The following SV2C variants were observed in gnomAD, a reference collection of about 807,000 sequenced individuals.
The protein encoded by SV2C is solute carrier family 22 member B3.
A neutral mutation model predicts 79.7 loss-of-function variants in SV2C; 49 were observed. The ratio of observed to expected loss-of-function variants is 0.61; its 90% confidence interval spans 0.49 to 0.78. The LOEUF (loss-of-function observed/expected upper bound fraction) is 0.78, where lower values mean the gene tolerates loss of function less well. Among genes scored for constraint, SV2C ranks in the 30% least tolerant of loss-of-function variants. SV2C has a pLI of 0.00. For synonymous variants in SV2C, 334 were observed against 333.2 expected (o/e 1.00, Z -0.03); for missense variants, 833 against 912.9 (o/e 0.91, Z 1.13).
chr5:76,041,045 G>A, the SV2C span, among the ~76,000 whole-genome samples: 2 of 152,080 alleles, frequency 1.3e-5, no homozygotes, highest in Non-Finnish European at 2.9e-5. Flanking sequence ...TGCCTGGGAG[G>A]GGCAGAAGGG....
At chr5:75,960,559 A>G in the SV2C span, among the ~76,000 whole-genome samples, 1 of 152,038 alleles carries the variant, frequency 6.6e-6, no homozygotes, top group East Asian at 1.9e-4. Flanking sequence ...CCAAAAAGCA[A>G]TAGGCTATCC....
the SV2C span, among the ~76,000 whole-genome samples, chr5:75,985,655 TAG>T: frequency 6.6e-6 from 1 of 151,924 alleles, no homozygotes; most frequent in South Asian, 2.1e-4. Flanking sequence ...TGAGATTCAG[TAG>T]TCTTTTGTTA....
intron 3 of SV2C, among the ~76,000 whole-genome samples, chr5:76,203,607 A>G (rs1744519181): frequency 6.6e-6 from 1 of 152,076 alleles, no homozygotes; most frequent in African/African-American, 2.4e-5. Context: ...ATAGACCTCC[A>G]CAGTTTTAGG....
intron 9 of SV2C, among the ~76,000 whole-genome samples, chr5:76,298,225 A>G (rs1747843112): frequency 6.6e-6 from 1 of 152,152 alleles, no homozygotes; most frequent in Non-Finnish European, 1.5e-5. Flanking sequence ...AGCGTCACCT[A>G]TGAGTTTCTT....
chr5:75,983,006 T>C, the SV2C span, among the ~76,000 whole-genome samples: 1 of 151,998 alleles, frequency 6.6e-6, no homozygotes, highest in Non-Finnish European at 1.5e-5. Context: ...TTAGGAAAAA[T>C]AACCAATGGG....
At chr5:75,938,510 A>G in the SV2C span, among the ~76,000 whole-genome samples, 1 of 152,226 alleles carries the variant, frequency 6.6e-6, no homozygotes, top group African/African-American at 2.4e-5. Context: ...ATATGAATGA[A>G]TATCTTAAAA....
the SV2C span, among the ~76,000 whole-genome samples, chr5:75,880,274 T>A: frequency 2.0e-5 from 3 of 151,884 alleles, no homozygotes; most frequent in Non-Finnish European, 4.4e-5. Context: ...TTGGATTCTT[T>A]CCCTGAAAAC....
At chr5:76,340,896 C>A (rs1243491188) in intron 12 of SV2C, among the ~76,000 whole-genome samples, 1 of 150,830 alleles carries the variant, frequency 6.6e-6, no homozygotes, top group Non-Finnish European at 1.5e-5. Context: ...AGTCATGAGT[C>A]ACTGTGCACC....
At chr5:76,092,077 A>G (rs923321264) in intron 1 of SV2C, among the ~76,000 whole-genome samples, 9 of 152,362 alleles carry the variant, frequency 5.9e-5, no homozygotes, top group East Asian at 5.8e-4. Context: ...ATATAAATAT[A>G]CATATTTAGT....
At chr5:76,302,611 C>T (rs1420281963) in intron 12 of SV2C, among the ~76,000 whole-genome samples, 2 of 101,392 alleles carry the variant, frequency 2.0e-5, no homozygotes, top group East Asian at 6.7e-4. Context: ...GTCTGGACAA[C>T]AAGAGTGAGA....
At chr5:76,240,357 T>C (rs1308325739) in intron 4 of SV2C, among the ~76,000 whole-genome samples, 1 of 152,242 alleles carries the variant, frequency 6.6e-6, no homozygotes, top group African/African-American at 2.4e-5. Flanking sequence ...TAAACAGTAG[T>C]GTGTACATTA....
At chr5:75,997,147 G>T in the SV2C span, among the ~76,000 whole-genome samples, 1 of 151,666 alleles carries the variant, frequency 6.6e-6, no homozygotes, top group African/African-American at 2.4e-5. Context: ...TTATTATTTT[G>T]AGATACGTCC....
At chr5:76,172,401 G>A (rs1316984276) in intron 2 of SV2C, among the ~76,000 whole-genome samples, 4 of 47,340 alleles carry the variant, frequency 8.4e-5, no homozygotes, top group East Asian at 2.2e-3. Context: ...CCGGCCAGCC[G>A]CCCCGTCCGG....
chr5:76,059,494 T>A, the SV2C span, among the ~76,000 whole-genome samples: 1 of 151,754 alleles, frequency 6.6e-6, no homozygotes, highest in Non-Finnish European at 1.5e-5. Context: ...ATCCTTTTTT[T>A]TTTTCTTTTG....
chr5:75,861,975 T>C, the SV2C span, among the ~76,000 whole-genome samples: 3 of 152,334 alleles, frequency 2.0e-5, no homozygotes, highest in Non-Finnish European at 4.4e-5. Flanking sequence ...AAAATGAAAG[T>C]TGAAGTTAAT....
At chr5:76,103,291 G>T (rs923914673) in intron 1 of SV2C, among the ~76,000 whole-genome samples, 9 of 152,116 alleles carry the variant, frequency 5.9e-5, no homozygotes, top group Non-Finnish European at 1.3e-4. Flanking sequence ...CTGCATCTGA[G>T]CTTATTCCTA....
chr5:76,263,288 T>G lies in SV2C; in HGVS notation c.914-21874T>G, dbSNP rs537699483. 3.3e-5 allele frequency among the ~76,000 whole-genome samples: 5 copies of G among 152,064 alleles called. No individual in the cohort carries two copies. The East Asian group carries it at 7.8e-4, about 24-fold the overall frequency. ...TTTGTTTTTGTTTTTGTTTTTGTTT[T>G]GTTTTGTTTTGCTTTCCATCATCTG... On this transcript the variant is annotated intron_variant, in intron 4 of 12. Coordinates refer to ENST00000502798, the MANE Select transcript of SV2C (RefSeq NM_014979.4).
intron 12 of SV2C, among the ~76,000 whole-genome samples, chr5:76,346,296 T>C (rs570103066): frequency 2.6e-5 from 4 of 152,296 alleles, no homozygotes; most frequent in African/African-American, 9.6e-5. Flanking sequence ...ATGTAATTTG[T>C]TTAATTTTAA....
chr5:75,910,170 T>C, the SV2C span: 5 of 340,288 alleles, frequency 1.5e-5, no homozygotes, highest in Non-Finnish European at 2.8e-5. Context: ...GGTGCAGTGG[T>C]TCAAGCCTGT....
Sources: gnomAD v4.1 joint callset for allele counts (sites outside exome capture counted in the v4.1 genomes callset) on GRCh38, gnomAD v4.1.1 for gene constraint, MANE v1.5 for transcripts, NCBI Gene and HGNC (gene_info 2026-07-23, HGNC 2026-07-21) for gene names.